The following ATIC variants were observed in gnomAD, a reference collection of about 807,000 sequenced individuals.
The protein encoded by ATIC is bifunctional purine biosynthesis protein ATIC.
ATIC carries 64 observed loss-of-function variants against 72.5 expected under a neutral mutation model. The observed-to-expected ratio is 0.88, with a 90% CI of 0.72 to 1.09. The LOEUF is 1.09. Ranked by LOEUF, ATIC falls within the 50% of genes least tolerant of loss-of-function variation. ATIC has a pLI of 0.00. For missense variants in ATIC, 787 were observed against 732.4 expected (o/e 1.07, Z -0.86); for synonymous variants, 281 against 267.1 (o/e 1.05, Z -0.51).
downstream of ATIC, among the ~76,000 whole-genome samples, chr2:215,353,459 A>G (rs2053145429): frequency 6.6e-6 from 1 of 151,904 alleles, no homozygotes; most frequent in African/African-American, 2.4e-5. Flanking sequence ...CACTTCATCT[A>G]TCTATTGCAG....
At chr2:215,357,087 A>G in the ATIC span, among the ~76,000 whole-genome samples, 1 of 152,220 alleles carries the variant, frequency 6.6e-6, no homozygotes, top group Non-Finnish European at 1.5e-5. Flanking sequence ...ATCGCCGTAC[A>G]TTTTTGAGTC....
At chr2:215,364,087 C>G in the ATIC span, among the ~76,000 whole-genome samples, 1 of 152,170 alleles carries the variant, frequency 6.6e-6, no homozygotes, top group African/African-American at 2.4e-5. Context: ...TTCCAGCCTA[C>G]CCAGAACTGT....
In ATIC at chr2:215,344,697, A is replaced by G. The variant is rs2106039469; in HGVS notation, c.1228-82A>G. ...AGACTCTGACTCAAAAAAACCACAAAAAATAATATTTAAAAAAAGAAGCTT... is the reference window on the plus strand; with the variant it reads ...AGACTCTGACTCAAAAAAACCACAAGAAATAATATTTAAAAAAAGAAGCTT... On this transcript the variant is annotated intron_variant, in intron 12 of 15. Transcript: ENST00000236959. 11 of 1,383,918 alleles carry G rather than the reference A, an allele frequency of 7.9e-6. No individual in the cohort carries two copies. The South Asian group carries it at 1.2e-4, about 15-fold the overall frequency. 85.7% of individuals were successfully genotyped at this position (1,383,918 alleles called of 1,614,324 possible).
chr2:215,321,048 A>ACACATCCAAACCATATTAATTGC (rs2052761284), intron 4 of ATIC, among the ~76,000 whole-genome samples: 2 of 152,206 alleles, frequency 1.3e-5, no homozygotes, highest in Non-Finnish European at 2.9e-5. Flanking sequence ...TGGAGAGGAC[A>ACACATCCAAACCATATTAATTGC]CACATCCAAA....
Position 215,326,053 on chromosome 2 carries a change from A to G in ATIC, c.446A>G (p.Glu149Gly). Residue 149 changes from glutamate (E) to glycine (G), a missense_variant, in exon 6 of 16, where the codon GAG becomes GGG. By Grantham distance (98) the Glu-to-Gly change is moderately conservative (BLOSUM62 -2). Coordinates refer to ENST00000236959, the MANE Select transcript of ATIC (RefSeq NM_004044.7). ...CGAGTGACAGTGGTGTGTGAACCAG[A>G]GGACTATGTGGTGGTGTCCACGGAG... is the stretch of plus-strand genomic sequence containing the variant. Reference protein sequence around the residue: ...HARVTVVCEPEDYVVVSTEMQ... With the variant: ...HARVTVVCEPGDYVVVSTEMQ... 1 of 1,614,188 alleles carries G rather than the reference A, an allele frequency of 6.2e-7. No homozygotes were observed.
At chr2:215,321,958 C>T (rs1281910879) in intron 4 of ATIC, among the ~76,000 whole-genome samples, 5 of 152,134 alleles carry the variant, frequency 3.3e-5, no homozygotes, top group African/African-American at 2.4e-5. Context: ...GGCTGGAGCA[C>T]AGTGGCGTCA....
chr2:215,334,983 T>A lies in ATIC; in HGVS notation c.987T>A (p.Thr329=). 1 of 1,613,386 alleles carries A rather than the reference T, an allele frequency of 6.2e-7. No homozygotes were observed. The highest frequency in any genetic ancestry group is 1.3e-5 in the African/African-American group (1 of 75,034). Residue 329 remains threonine, a synonymous_variant, in exon 10 of 16, where the codon ACT becomes ACA. Coordinates refer to ENST00000236959, the MANE Select transcript of ATIC (RefSeq NM_004044.7). ...VALSDVCDVP[T]AKIISREVSD... ...TGTCCGATGTTTGTGATGTACCAAC[T>A]GCAAAAATTATTTCCAGAGAAGTTA...
intron 7 of ATIC, among the ~76,000 whole-genome samples, chr2:215,332,169 T>TTC (rs2052902252): frequency 2.8e-5 from 4 of 140,546 alleles, no homozygotes; most frequent in Non-Finnish European, 4.8e-5. Context: ...TGTGTGTGTG[T>TTC]GTGTGTTCAT....
At chr2:215,364,095 TG>T in the ATIC span, among the ~76,000 whole-genome samples, 1 of 152,204 alleles carries the variant, frequency 6.6e-6, no homozygotes, top group African/African-American at 2.4e-5. Flanking sequence ...TACCCAGAAC[TG>T]TATTTGTCAG....
chr2:215,330,003 C>T (rs2052873021), intron 7 of ATIC, among the ~76,000 whole-genome samples: 1 of 152,196 alleles, frequency 6.6e-6, no homozygotes, highest in African/African-American at 2.4e-5. Flanking sequence ...CTCAGGTGAT[C>T]CACCCACCTT....
chr2:215,348,949 T>C (rs2053100163), intron 14 of ATIC, 145 bp from the exon 15 acceptor site: 2 of 634,572 alleles, frequency 3.2e-6, no homozygotes, highest in Non-Finnish European at 4.6e-6. Context: ...AGTGCAAAAC[T>C]CCGTCTAAAA....
At chr2:215,359,735 A>AT in the ATIC span, among the ~76,000 whole-genome samples, 574 of 149,358 alleles carry the variant, frequency 3.8e-3, 3 homozygotes, top group African/African-American at 0.013. Flanking sequence ...GGGAGTTAGT[A>AT]TTTTTTTTTT....
chr2:215,343,654 G>GT (rs1003563838), intron 12 of ATIC, among the ~76,000 whole-genome samples: 1 of 152,130 alleles, frequency 6.6e-6, no homozygotes, highest in African/African-American at 2.4e-5. Context: ...AGTTTTTAAA[G>GT]TTTTTTTATG....
intron 14 of ATIC, among the ~76,000 whole-genome samples, chr2:215,348,434 C>T (rs754105759): frequency 3.3e-5 from 5 of 151,616 alleles, no homozygotes; most frequent in Non-Finnish European, 5.9e-5. Context: ...GTAGTAGATA[C>T]GAAGTAGATT....
intron 2 of ATIC, among the ~76,000 whole-genome samples, chr2:215,316,582 A>G (rs553844216): frequency 4.2e-4 from 64 of 152,302 alleles, no homozygotes; most frequent in Non-Finnish European, 2.8e-4. Context: ...CTCAAAAACT[A>G]TATATGTTGA....
rs777028878 is a variant in ATIC, at chr2:215,333,431, T to A, written c.896T>A (p.Ile299Asn). The change falls in exon 9 of 16, where the codon ATC (isoleucine) becomes AAC (asparagine). Residue 299 changes from isoleucine to asparagine, a missense_variant. Ile to Asn is a moderately radical substitution (Grantham distance 149). Coordinates refer to ENST00000236959, the MANE Select transcript of ATIC (RefSeq NM_004044.7). ...GATCTCTATAAAACCCTCACACCCATCTCAGCGGCATATGCAAGAGCAAGA... is the reference window on the plus strand; with the variant it reads ...GATCTCTATAAAACCCTCACACCCAACTCAGCGGCATATGCAAGAGCAAGA... Reference protein sequence around the residue: ...VYDLYKTLTPISAAYARARGA... With the variant: ...VYDLYKTLTPNSAAYARARGA... The A allele has an allele frequency of 1.2e-5, 20 of 1,613,904 alleles. No homozygotes were observed. In the South Asian group the frequency reaches 1.5e-4, roughly 12 times the overall value.
chr2:215,322,628 G>A (rs944726491), intron 4 of ATIC, among the ~76,000 whole-genome samples: 12 of 152,168 alleles, frequency 7.9e-5, no homozygotes, highest in Admixed American at 4.6e-4. Context: ...CACCGCACCC[G>A]GCGTGTGTAC....
At position 215,339,121 on chromosome 2, in the gene ATIC, G is replaced by A. The variant is rs183997140; in HGVS notation, c.1227+214G>A. On this transcript the variant is annotated intron_variant, in intron 12 of 15. Coordinates refer to ENST00000236959, the MANE Select transcript of ATIC (RefSeq NM_004044.7). Reference sequence around the variant, plus strand: ...CTTCTGTGCATATGTACACACTAGAGATAAGTAGCTTTAATTGTGTATAAA... The same window carrying A: ...CTTCTGTGCATATGTACACACTAGAAATAAGTAGCTTTAATTGTGTATAAA... Among the ~76,000 whole-genome samples, 1,167 of 151,760 alleles carry A rather than the reference G, an allele frequency of 7.7e-3. 13 individuals are homozygous for A. The highest frequency in any genetic ancestry group is 0.051 in the Middle Eastern group (15 of 294).
At chr2:215,353,166 C>G (rs1330757687), downstream of ATIC, among the ~76,000 whole-genome samples, 1 of 152,110 alleles carries the variant, frequency 6.6e-6, no homozygotes, top group Non-Finnish European at 1.5e-5. Flanking sequence ...GTGAACCTTT[C>G]CCTTTGCGCT....
Sources: gnomAD v4.1 joint callset for allele counts (sites outside exome capture counted in the v4.1 genomes callset) on GRCh38, gnomAD v4.1.1 for gene constraint, MANE v1.5 for transcripts, NCBI Gene and HGNC (gene_info 2026-07-23, HGNC 2026-07-21) for gene names.